The following GPRC5A variants were observed in gnomAD, a reference collection of about 807,000 sequenced individuals.
GPRC5A encodes the protein retinoic acid-induced protein 3.
Under a neutral mutation model 22.5 loss-of-function variants are expected in GPRC5A, and 19 were observed. The observed-to-expected ratio is 0.85, with a 90% CI of 0.59 to 1.24. The LOEUF is 1.24. Among genes scored for constraint, GPRC5A ranks in the 50% most tolerant of loss-of-function variants. GPRC5A has a pLI of 0.00. For synonymous variants in GPRC5A, 192 were observed against 184.5 expected, an observed-to-expected ratio of 1.04 and a Z score of -0.33; for missense variants, 471 against 451.1, an observed-to-expected ratio of 1.04 and a Z score of -0.40.
rs749192887 is a variant in GPRC5A at position 12,908,896 on chromosome 12, C to T, written c.647C>T (p.Thr216Met). ...WKRHGAHIYLTMLLSIAIWVA... is the reference protein window; with the variant it reads ...WKRHGAHIYLMMLLSIAIWVA... ...AGACATGGGGCCCACATCTACCTCACGATGCTCCTCTCCATTGCCATCTGG... is the reference window on the plus strand; with the variant it reads ...AGACATGGGGCCCACATCTACCTCATGATGCTCCTCTCCATTGCCATCTGG... The change falls in exon 2 of 4, where the codon ACG becomes ATG. Residue 216 changes from threonine to methionine, a missense_variant. Transcript: ENST00000014914. The T allele has an allele frequency of 5.6e-6, 9 of 1,614,024 alleles. No individual in the cohort carries two copies. Among genetic ancestry groups the T allele is most frequent in the African/African-American group, 1.3e-5 (1 of 74,934 alleles).
chr12:12,914,596 C>CTTTTCTTTCTT lies in GPRC5A; in HGVS notation c.*2058_*2059insTTTCTTTCTTT, dbSNP rs1555105848. Reference sequence around the variant, plus strand: ...TCTTTCTTTCTTTCTTTCTTTCTTTCTCTCTCTCTCTCTCTCTCTCTTTCT... The same window carrying CTTTTCTTTCTT: ...TCTTTCTTTCTTTCTTTCTTTCTTTCTTTTCTTTCTTTCTCTCTCTCTCTCTCTCTCTTTCT... On this transcript the variant is annotated 3_prime_UTR_variant, in exon 4 of 4. Transcript: ENST00000014914. 2.0e-5 allele frequency: 2 copies of CTTTTCTTTCTT among 101,062 alleles called. No individual in the cohort carries two copies. The highest frequency in any genetic ancestry group is 4.0e-5 in the Non-Finnish European group (2 of 49,560). 6.3% of individuals were successfully genotyped at this position (101,062 alleles called of 1,614,324 possible). A position where few individuals can be genotyped will look rare whatever the true frequency, so the allele number is the denominator to read the frequency against.
At chr12:12,910,487 T>C (rs1172907716) in intron 2 of GPRC5A, among the ~76,000 whole-genome samples, 2 of 152,108 alleles carry the variant, frequency 1.3e-5, no homozygotes, top group African/African-American at 4.8e-5. Flanking sequence ...CTGCTCACTT[T>C]CCTCCCTGGG....
chr12:12,910,345 C>T (rs544398461), intron 2 of GPRC5A, among the ~76,000 whole-genome samples: 14 of 152,284 alleles, frequency 9.2e-5, no homozygotes, highest in African/African-American at 3.1e-4. Context: ...CTGTCCGTTC[C>T]GTGGCTTCAC....
chr12:12,897,946 C>T (rs1311776977), intron 1 of GPRC5A, among the ~76,000 whole-genome samples: 1 of 152,070 alleles, frequency 6.6e-6, no homozygotes, highest in Non-Finnish European at 1.5e-5. Context: ...GGACTCCTAC[C>T]TAGATGAGAT....
chr12:12,910,001 G>C (rs1454615946), intron 2 of GPRC5A: 1 of 145,256 alleles, frequency 6.9e-6, no homozygotes, highest in Non-Finnish European at 1.5e-5. Context: ...GTTGAGACAA[G>C]CCAGATGTTC....
chr12:12,912,633 C>G lies in GPRC5A; in HGVS notation c.*94C>G. 1 of 761,928 alleles carries G rather than the reference C, an allele frequency of 1.3e-6. No homozygotes were observed. Among genetic ancestry groups the G allele is most frequent in the Non-Finnish European group, 2.3e-6 (1 of 427,432 alleles). The allele number at this position is 761,928 out of a possible 1,614,324, so 47.2% of individuals were successfully genotyped here. ...CGAAATCTTGAGTCTTCTGAGAAAA[C>G]TGTACAAGACACTACGGGAACAGTT... is the stretch of plus-strand genomic sequence containing the variant. On this transcript the variant is annotated 3_prime_UTR_variant, in exon 4 of 4. Coordinates refer to ENST00000014914, the MANE Select transcript of GPRC5A (RefSeq NM_003979.4).
At chr12:12,910,852 A>T (rs968465073) in intron 2 of GPRC5A, among the ~76,000 whole-genome samples, 1 of 147,560 alleles carries the variant, frequency 6.8e-6, no homozygotes. Context: ...GTTAATCTTT[A>T]TGTGCTTCAC....
Position 12,916,107 on chromosome 12 carries a change from C to A in GPRC5A, c.*3568C>A. The A allele has an allele frequency of 5.5e-6, 1 of 180,886 alleles. No homozygotes were observed. The highest frequency in any genetic ancestry group is 6.3e-5 in the Admixed American group (1 of 15,942). The allele number at this position is 180,886 out of a possible 1,614,324, so 11.2% of individuals were successfully genotyped here. A position where few individuals can be genotyped will look rare whatever the true frequency, so the allele number is the denominator to read the frequency against. On this transcript the variant is annotated 3_prime_UTR_variant, in exon 4 of 4. Transcript: ENST00000014914. ...GTAGGGACCTCTCATGGCCTACAGGCTTTGACATCTGAGAATCAAACTGGA... is the reference window on the plus strand; with the variant it reads ...GTAGGGACCTCTCATGGCCTACAGGATTTGACATCTGAGAATCAAACTGGA...
chr12:12,912,589 G>A lies in GPRC5A; in HGVS notation c.*50G>A, dbSNP rs750995777. On this transcript the variant is annotated 3_prime_UTR_variant, in exon 4 of 4. Transcript: ENST00000014914. ...TGCAGCCGGGCGGCAGATCTAGCGGGAGCTCAAAGGGATGTGGGCGAAATC... is the reference window on the plus strand; with the variant it reads ...TGCAGCCGGGCGGCAGATCTAGCGGAAGCTCAAAGGGATGTGGGCGAAATC... 9 of 1,080,884 alleles carry A rather than the reference G, an allele frequency of 8.3e-6. No homozygotes were observed. In the East Asian group the frequency reaches 1.9e-4, roughly 23 times the overall value. The allele number at this position is 1,080,884 out of a possible 1,614,324, so 67.0% of individuals were successfully genotyped here.
At chr12:12,894,995 G>GTCT (rs1863806774) in intron 1 of GPRC5A, among the ~76,000 whole-genome samples, 1 of 151,520 alleles carries the variant, frequency 6.6e-6, no homozygotes, top group Admixed American at 6.6e-5. Context: ...AGCCAGGATG[G>GTCT]TCTTGATCTC....
At chr12:12,893,962 A>G (rs1863793527) in intron 1 of GPRC5A, among the ~76,000 whole-genome samples, 2 of 152,146 alleles carry the variant, frequency 1.3e-5, no homozygotes, top group South Asian at 4.1e-4. Flanking sequence ...GGGTTTCACC[A>G]TGTTGGCCAG....
At chr12:12,896,847 A>C (rs1416335086) in intron 1 of GPRC5A, among the ~76,000 whole-genome samples, 1 of 152,188 alleles carries the variant, frequency 6.6e-6, no homozygotes, top group African/African-American at 2.4e-5. Context: ...TTAATTTGTA[A>C]TATATAACAA....
At chr12:12,905,272 C>T (rs769814292) in intron 1 of GPRC5A, among the ~76,000 whole-genome samples, 16 of 152,126 alleles carry the variant, frequency 1.1e-4, no homozygotes, top group Admixed American at 4.6e-4. Flanking sequence ...CTTCCCAACC[C>T]GAGTCCTTCC....
intron 2 of GPRC5A, among the ~76,000 whole-genome samples, chr12:12,911,092 C>T (rs1464363724): frequency 6.6e-6 from 1 of 152,054 alleles, no homozygotes; most frequent in East Asian, 1.9e-4. Flanking sequence ...AGGCTGGTCT[C>T]GAACTCCTGA....
intron 1 of GPRC5A, among the ~76,000 whole-genome samples, chr12:12,899,816 C>T (rs754857489): frequency 1.7e-4 from 26 of 152,158 alleles, no homozygotes; most frequent in East Asian, 5.8e-4. Context: ...GCTGGGCTGG[C>T]GCGAAGACAC....
rs529473670 is a variant in GPRC5A, at chr12:12,911,788, C to T, written c.923-296C>T. The stretch of plus-strand genomic sequence containing the variant: ...CAGGCGTGAGCCACCATGCCCAGCC[C>T]ATGACTTTTCAAATGTGCTTTTGAA... On this transcript the variant is annotated intron_variant, in intron 2 of 3. Transcript: ENST00000014914. 2.2e-4 allele frequency among the ~76,000 whole-genome samples: 33 copies of T among 152,274 alleles called. No homozygotes were observed. The East Asian group carries it at 5.6e-3, about 26-fold the overall frequency.
chr12:12,916,024 A>G lies in GPRC5A; in HGVS notation c.*3485A>G, dbSNP rs1864061165. The stretch of plus-strand genomic sequence containing the variant: ...AAATAAGCTATTTTTAAAAGTTATT[A>G]TTTTTTTACTCTTTCTTTTCTTTGG... On this transcript the variant is annotated 3_prime_UTR_variant, in exon 4 of 4. Transcript: ENST00000014914. The G allele has an allele frequency of 3.7e-6, 1 of 269,816 alleles. No homozygotes were observed. Among genetic ancestry groups the G allele is most frequent in the African/African-American group, 2.3e-5 (1 of 43,580 alleles). The allele number at this position is 269,816 out of a possible 1,614,324, so 16.7% of individuals were successfully genotyped here.
At chr12:12,909,340 G>A (rs1863979851) in intron 2 of GPRC5A, 169 bp downstream of exon 2, 1 of 584,406 alleles carries the variant, frequency 1.7e-6, no homozygotes, top group Non-Finnish European at 3.0e-6. Context: ...GCCTGTTAGA[G>A]ACAAGTAGAA....
intron 1 of GPRC5A, 87 bp downstream of exon 1, chr12:12,891,751 G>A (rs530599804): frequency 6.6e-6 from 1 of 152,232 alleles, no homozygotes; most frequent in Non-Finnish European, 1.5e-5. Flanking sequence ...GGGTGGGATA[G>A]AAGAGGAGAG....
Sources: gnomAD v4.1 joint callset for allele counts (sites outside exome capture counted in the v4.1 genomes callset) on GRCh38, gnomAD v4.1.1 for gene constraint, MANE v1.5 for transcripts, NCBI Gene and HGNC (gene_info 2026-07-23, HGNC 2026-07-21) for gene names.